GRM7: variants seen among roughly 807,000 people sequenced by gnomAD.
The protein encoded by GRM7 is glutamate metabotropic receptor 7.
GRM7 carries 35 observed loss-of-function variants against 84.5 expected under a neutral mutation model. The observed-to-expected ratio is 0.41, with a 90% CI of 0.32 to 0.55. GRM7 has a LOEUF of 0.55. GRM7 is among the 20% of genes least tolerant of loss of function. GRM7 has a pLI of 0.19. For missense variants in GRM7, 1,003 were observed against 1,194.6 expected, an observed-to-expected ratio of 0.84 and a Z score of 2.36; for synonymous variants, 487 against 455.1, an observed-to-expected ratio of 1.07 and a Z score of -0.89.
chr3:7,165,204 C>T lies in GRM7; in HGVS notation c.736+18536C>T, dbSNP rs116466782. On this transcript the variant is annotated intron_variant, in intron 2 of 9. Coordinates refer to ENST00000357716, the MANE Select transcript of GRM7 (RefSeq NM_000844.4). ...ATCCGCAACTCTGTTTCTGGTTAAC[C>T]ACCCCATGGCGCATCCCAGTAACTG... Among the ~76,000 whole-genome samples, 1,276 of 152,292 alleles carry T rather than the reference C, an allele frequency of 8.4e-3. 11 individuals carry two copies. The highest frequency in any genetic ancestry group is 0.027 in the African/African-American group (1,115 of 41,560).
intron 2 of GRM7, among the ~76,000 whole-genome samples, chr3:7,289,940 T>C (rs1016456530): frequency 4.6e-5 from 7 of 151,820 alleles, no homozygotes; most frequent in African/African-American, 1.5e-4. Flanking sequence ...CACACCAACA[T>C]GGCACATGTA....
intron 4 of GRM7, among the ~76,000 whole-genome samples, chr3:7,307,622 A>T (rs576202614): frequency 6.6e-6 from 1 of 152,346 alleles, no homozygotes; most frequent in East Asian, 1.9e-4. Context: ...TGGAGGAGAT[A>T]AAAATCTCAT....
chr3:7,275,823 T>TA (rs1699031504), intron 2 of GRM7, among the ~76,000 whole-genome samples: 1 of 151,990 alleles, frequency 6.6e-6, no homozygotes, highest in African/African-American at 2.4e-5. Context: ...CTCCAGAAGG[T>TA]AAAACCCACA....
At chr3:7,405,870 ACAT>A (rs1695653600) in intron 4 of GRM7, among the ~76,000 whole-genome samples, 1 of 152,158 alleles carries the variant, frequency 6.6e-6, no homozygotes, top group African/African-American at 2.4e-5. Flanking sequence ...GTAGGTTATC[ACAT>A]CATCTAATAT....
chr3:7,192,269 C>G (rs949407910), intron 2 of GRM7, among the ~76,000 whole-genome samples: 1 of 151,992 alleles, frequency 6.6e-6, no homozygotes, highest in African/African-American at 2.4e-5. Context: ...TTAGGTGGTA[C>G]AAGGAATAGA....
At chr3:7,461,756 G>A (rs1282198558) in intron 7 of GRM7, 34 bp downstream of exon 7, 1 of 1,599,326 alleles carries the variant, frequency 6.3e-7, no homozygotes, top group South Asian at 1.1e-5. Context: ...TTCCCTTGTT[G>A]AGATGAATGA....
intron 1 of GRM7, among the ~76,000 whole-genome samples, chr3:7,103,613 G>A (rs116822166): frequency 6.6e-6 from 1 of 151,604 alleles, no homozygotes; most frequent in Admixed American, 6.6e-5. Flanking sequence ...TTGTCTAACA[G>A]CTTCTTATAT....
At chr3:7,668,235 C>T (rs1695299) in intron 8 of GRM7, among the ~76,000 whole-genome samples, 16,677 of 152,168 alleles carry the variant, frequency 0.11, 1,646 homozygotes, top group African/African-American at 0.26. Context: ...CCCTTCCCAC[C>T]GAGTACCTTT....
intron 1 of GRM7, among the ~76,000 whole-genome samples, chr3:7,083,820 A>T (rs1420457914): frequency 6.6e-6 from 1 of 152,088 alleles, no homozygotes; most frequent in Admixed American, 6.6e-5. Flanking sequence ...GGCCTTTCTG[A>T]TGAGGTGTCA....
intron 7 of GRM7, among the ~76,000 whole-genome samples, chr3:7,526,695 T>A (rs370906073): frequency 7.8e-4 from 118 of 152,218 alleles, no homozygotes; most frequent in African/African-American, 2.5e-3. Context: ...CTTGAGTTAA[T>A]TTTTGTATGT....
chr3:6,928,195 C>T lies in GRM7; in HGVS notation c.519+66288C>T, dbSNP rs543173552. Among the ~76,000 whole-genome samples, 69 of 151,890 alleles carry T rather than the reference C, an allele frequency of 4.5e-4. No homozygotes were observed. The highest frequency in any genetic ancestry group is 1.6e-3 in the African/African-American group (66 of 41,404). ...CGTTGCTTGGTTTGCATTAACTGGG[C>T]ATTTTCCCAAAATGTCCCTTGGAAT... On this transcript the variant is annotated intron_variant, in intron 1 of 9. Coordinates refer to ENST00000357716, the MANE Select transcript of GRM7 (RefSeq NM_000844.4). The surrounding 1 kb of genome is among the most constrained non-coding windows in gnomAD (Gnocchi z 4.5).
intron 8 of GRM7, among the ~76,000 whole-genome samples, chr3:7,614,853 C>G (rs1436029379): frequency 6.6e-6 from 1 of 152,096 alleles, no homozygotes; most frequent in Non-Finnish European, 1.5e-5. Context: ...GCTTTAAACC[C>G]CAAAGTCAGT....
At chr3:7,335,694 A>G (rs1701391099) in intron 4 of GRM7, among the ~76,000 whole-genome samples, 1 of 152,018 alleles carries the variant, frequency 6.6e-6, no homozygotes, top group African/African-American at 2.4e-5. Flanking sequence ...GAAGATCCAA[A>G]TAAGCTCAAT....
intron 2 of GRM7, among the ~76,000 whole-genome samples, chr3:7,259,969 G>GTTTT (rs1698357109): frequency 7.7e-4 from 7 of 9,104 alleles, no homozygotes; most frequent in South Asian, 4.6e-3. Context: ...TTTTTTTGAC[G>GTTTT]TTTTAATAAT....
chr3:7,179,095 G>GA (rs1270417776), intron 2 of GRM7, among the ~76,000 whole-genome samples: 1 of 152,072 alleles, frequency 6.6e-6, no homozygotes, highest in East Asian at 1.9e-4. Context: ...GACAGAGCCA[G>GA]ACTCTATTTA....
At chr3:7,046,260 T>C (rs1205574534) in intron 1 of GRM7, among the ~76,000 whole-genome samples, 1 of 152,122 alleles carries the variant, frequency 6.6e-6, no homozygotes, top group African/African-American at 2.4e-5. Context: ...CGAATGAGTG[T>C]TTTATAGATT....
intron 1 of GRM7, among the ~76,000 whole-genome samples, chr3:6,889,268 A>G (rs149651162): frequency 0.12 from 17,626 of 151,848 alleles, 1,247 homozygotes; most frequent in African/African-American, 0.18. Flanking sequence ...CCAACACTAT[A>G]TTGAATAGGA....
At chr3:7,358,241 T>TTCTA (rs1693495382) in intron 4 of GRM7, among the ~76,000 whole-genome samples, 1 of 152,032 alleles carries the variant, frequency 6.6e-6, no homozygotes, top group East Asian at 1.9e-4. Flanking sequence ...AAATTATGAT[T>TTCTA]GTAGAGTCCA....
intron 2 of GRM7, among the ~76,000 whole-genome samples, chr3:7,266,605 T>C (rs1002159848): frequency 2.0e-5 from 3 of 152,196 alleles, no homozygotes; most frequent in Admixed American, 1.3e-4. Flanking sequence ...AATGCCTTTT[T>C]TTTTAACCAA....
Sources: allele counts gnomAD v4.1 joint callset (sites outside exome capture counted in the v4.1 genomes callset), GRCh38; gene constraint gnomAD v4.1.1; non-coding constraint Gnocchi (gnomAD v3.1); transcripts MANE v1.5; gene names NCBI Gene and HGNC (gene_info 2026-07-23, HGNC 2026-07-21).